The following IQCH variants were observed in gnomAD, a reference collection of about 807,000 sequenced individuals.
The protein encoded by IQCH is IQ motif containing H.
A neutral mutation model predicts 117.0 loss-of-function variants in IQCH; 98 were observed. That is an observed-to-expected ratio of 0.84 (90% CI 0.71 to 0.99). The LOEUF is 0.99. IQCH is among the 50% of genes least tolerant of loss of function. The pLI is 0.00. For synonymous variants in IQCH, 412 were observed against 448.2 expected (o/e 0.92, Z 1.02); for missense variants, 1,102 against 1,243.8 (o/e 0.89, Z 1.72).
At chr15:67,293,044 T>C (rs537012825) in intron 4 of IQCH, among the ~76,000 whole-genome samples, 19 of 152,348 alleles carry the variant, frequency 1.2e-4, no homozygotes, top group Non-Finnish European at 2.1e-4. Flanking sequence ...ACATCCTGGC[T>C]CTATCACTTA....
At chr15:67,382,975 T>A (rs1970986809) in intron 10 of IQCH, among the ~76,000 whole-genome samples, 1 of 152,202 alleles carries the variant, frequency 6.6e-6, no homozygotes, top group Non-Finnish European at 1.5e-5. Flanking sequence ...ACACATATAC[T>A]TTATGGATGT....
At chr15:67,277,576 C>G (rs1966178888) in intron 3 of IQCH, among the ~76,000 whole-genome samples, 1 of 149,578 alleles carries the variant, frequency 6.7e-6, no homozygotes, top group Non-Finnish European at 1.5e-5. Flanking sequence ...CTCTGTCACC[C>G]AGGCTGGAGT....
At chr15:67,349,492 A>G (rs12594477) in intron 6 of IQCH, among the ~76,000 whole-genome samples, 102,339 of 151,280 alleles carry the variant, frequency 0.68, 35,196 homozygotes, top group Middle Eastern at 0.84. Context: ...GGTGGTGGGT[A>G]CCTATAATCC....
rs1474353596 is a variant in IQCH at position 67,388,971 on chromosome 15, A to G, written c.1597A>G (p.Lys533Glu). Residue 533 changes from lysine to glutamate, a missense_variant, in exon 12 of 21, where the codon AAA (lysine) becomes GAA (glutamate). Lys to Glu is a moderately conservative substitution (Grantham distance 56). This residue lies in a region of IQCH where 650 missense variants were observed against 794.3 expected (regional missense o/e 0.82). Coordinates refer to ENST00000335894, the MANE Select transcript of IQCH (RefSeq NM_001031715.3). The surrounding 1 kb of genome is among the most constrained non-coding windows in gnomAD (Gnocchi z 5.5). ...EDRSDLQDRF[K>E]IITPEAVNIF... Reference sequence around the variant, plus strand: ...CAGAAGTGACCTGCAGGACAGGTTCAAAATTATCACACCTGAAGCTGTAAA... The same window carrying G: ...CAGAAGTGACCTGCAGGACAGGTTCGAAATTATCACACCTGAAGCTGTAAA... 1 of 1,614,026 alleles carries G rather than the reference A, an allele frequency of 6.2e-7. No individual in the cohort carries two copies. Among genetic ancestry groups the G allele is most frequent in the Admixed American group, 1.7e-5 (1 of 60,016 alleles).
At position 67,254,888 on chromosome 15, in the gene IQCH, G is replaced by A. The variant is rs150409242; in HGVS notation, c.-9G>A. On this transcript the variant is annotated 5_prime_UTR_variant, in exon 1 of 21. Transcript: ENST00000335894. Reference sequence around the variant, plus strand: ...GCCTCCGCGGAGGTAGCCGTTCCCTGACCTAGCCATGGCACAGAACACTGA... The same window carrying A: ...GCCTCCGCGGAGGTAGCCGTTCCCTAACCTAGCCATGGCACAGAACACTGA... 1.2e-3 allele frequency: 1,897 copies of A among 1,613,486 alleles called. 20 individuals carry two copies. The African/African-American group carries it at 0.023, about 19-fold the overall frequency.
chr15:67,476,234 C>T lies in IQCH; in HGVS notation c.2799+416C>T, dbSNP rs375663731. 2.0e-5 allele frequency among the ~76,000 whole-genome samples: 3 copies of T among 152,226 alleles called. No individual in the cohort carries two copies. Among genetic ancestry groups the T allele is most frequent in the Admixed American group, 6.5e-5 (1 of 15,288 alleles). ...AGCTAAATGGCTTGAGCCACAGAAGCGTATTTTCTCACTGTCTGGCAGCTG... is the reference window on the plus strand; with the variant it reads ...AGCTAAATGGCTTGAGCCACAGAAGTGTATTTTCTCACTGTCTGGCAGCTG... On this transcript the variant is annotated intron_variant, in intron 18 of 20. Transcript: ENST00000335894. The surrounding 1 kb of genome is among the most constrained non-coding windows in gnomAD (Gnocchi z 4.1).
intron 20 of IQCH, among the ~76,000 whole-genome samples, chr15:67,495,796 T>C (rs998995538): frequency 1.3e-4 from 20 of 152,224 alleles, no homozygotes; most frequent in Non-Finnish European, 2.5e-4. Context: ...TATGTCATGG[T>C]TTCTAGCCTT....
chr15:67,297,425 G>T (rs554057723), intron 4 of IQCH, among the ~76,000 whole-genome samples: 2 of 151,942 alleles, frequency 1.3e-5, no homozygotes, highest in Admixed American at 6.6e-5. Context: ...TCACTTTATC[G>T]TATATTATTT....
chr15:67,329,065 G>C (rs188284821), intron 4 of IQCH, among the ~76,000 whole-genome samples: 2 of 152,156 alleles, frequency 1.3e-5, no homozygotes, highest in African/African-American at 4.8e-5. Flanking sequence ...TTGGAAGGCT[G>C]AGATGGGAGG....
chr15:67,304,505 G>A, intron 4 of IQCH: 1 of 918,044 alleles, frequency 1.1e-6, no homozygotes, highest in South Asian at 1.6e-5. Context: ...AGAAATAAAA[G>A]TCATTTATTA....
intron 5 of IQCH, among the ~76,000 whole-genome samples, chr15:67,338,191 C>T (rs1007702422): frequency 1.3e-5 from 2 of 150,132 alleles, no homozygotes; most frequent in African/African-American, 4.9e-5. Context: ...ATGAATGAAT[C>T]GATATATCTG....
rs1189601798 is a variant in IQCH at position 67,393,340 on chromosome 15, G to A, written c.1633-1951G>A. On this transcript the variant is annotated intron_variant, in intron 12 of 20. Coordinates refer to ENST00000335894, the MANE Select transcript of IQCH (RefSeq NM_001031715.3). The surrounding 1 kb of genome is among the most constrained non-coding windows in gnomAD (Gnocchi z 5.5). ...ACTCTCCGACAATTTGCAAACTGGT[G>A]CATCTGATATTCCTTGAAACAATCA... 2.0e-5 allele frequency among the ~76,000 whole-genome samples: 3 copies of A among 152,082 alleles called. No homozygotes were observed. The highest frequency in any genetic ancestry group is 7.2e-5 in the African/African-American group (3 of 41,418).
At chr15:67,442,044 AC>A (rs1166993125) in intron 16 of IQCH, among the ~76,000 whole-genome samples, 6 of 152,326 alleles carry the variant, frequency 3.9e-5, no homozygotes, top group South Asian at 2.1e-4. Context: ...TAAGAAAAAA[AC>A]AATCCCATCA....
chr15:67,275,712 T>C (rs1798205041), intron 3 of IQCH, among the ~76,000 whole-genome samples: 1 of 152,082 alleles, frequency 6.6e-6, no homozygotes, highest in South Asian at 2.1e-4. Context: ...ACCCTGTCTC[T>C]ACAAAAAAAA....
rs1483478284 is a variant in IQCH at position 67,405,977 on chromosome 15, A to G, written c.2097+5672A>G. 3.9e-5 allele frequency: 6 copies of G among 152,156 alleles called. No homozygotes were observed. The highest frequency in any genetic ancestry group is 8.8e-5 in the Non-Finnish European group (6 of 68,046). The allele number at this position is 152,156 out of a possible 1,614,324, so 9.4% of individuals were successfully genotyped here. ...ACACACCTCAGAGCTGGAGAGGAGGAGCCCTGCCTAGGAGTTTCTAGGATT... is the reference window on the plus strand; with the variant it reads ...ACACACCTCAGAGCTGGAGAGGAGGGGCCCTGCCTAGGAGTTTCTAGGATT... On this transcript the variant is annotated intron_variant, in intron 14 of 20. Transcript: ENST00000335894. This position sits in a 1 kb window ranked among gnomAD's most constrained non-coding sequence, Gnocchi z 4.8.
chr15:67,260,925 G>A (rs975331907), intron 1 of IQCH, among the ~76,000 whole-genome samples: 14 of 151,962 alleles, frequency 9.2e-5, no homozygotes, highest in African/African-American at 7.2e-5. Context: ...GTGAAAGCCC[G>A]TCTCTACTAA....
chr15:67,500,781 GT>G lies in IQCH; in HGVS notation c.*36del. 2 of 1,199,046 alleles carry G rather than the reference GT, an allele frequency of 1.7e-6. No homozygotes were observed. Among genetic ancestry groups the G allele is most frequent in the Non-Finnish European group, 2.4e-6 (2 of 847,238 alleles). The allele number at this position is 1,199,046 out of a possible 1,614,324, so 74.3% of individuals were successfully genotyped here. On this transcript the variant is annotated 3_prime_UTR_variant, in exon 21 of 21. Transcript: ENST00000335894. This position sits in a 1 kb window ranked among gnomAD's most constrained non-coding sequence, Gnocchi z 4.4. ...ACAGTACATAACAATTTGGATCCCA[GT>G]CTGGAATAAAAAGGGCAATTTTTTT...
In IQCH at chr15:67,493,740, T is replaced by C. The variant is rs902277531; in HGVS notation, c.2862-518T>C. Among the ~76,000 whole-genome samples the C allele has an allele frequency of 1.3e-5, 2 of 152,218 alleles. No individual in the cohort carries two copies. Among genetic ancestry groups the C allele is most frequent in the Non-Finnish European group, 2.9e-5 (2 of 68,042 alleles). ...TTGTTACATATGTATCCATGTGCCA[T>C]GTTAGTGTCCTGCACCCATTAACTC... is the stretch of plus-strand genomic sequence containing the variant. On this transcript the variant is annotated intron_variant, in intron 19 of 20. Transcript: ENST00000335894. The surrounding 1 kb of genome is among the most constrained non-coding windows in gnomAD (Gnocchi z 5.1).
rs928761276 is a variant in IQCH at position 67,424,424 on chromosome 15, A to C, written c.2505+2847A>C. 6.6e-6 allele frequency among the ~76,000 whole-genome samples: 1 copy of C among 152,164 alleles called. No homozygotes were observed. The highest frequency in any genetic ancestry group is 1.5e-5 in the Non-Finnish European group (1 of 68,040). Reference sequence around the variant, plus strand: ...GAGCATTCCTCGTACCACTTATCTCAGTTACAAATTTAAACTTATTTACAT... The same window carrying C: ...GAGCATTCCTCGTACCACTTATCTCCGTTACAAATTTAAACTTATTTACAT... On this transcript the variant is annotated intron_variant, in intron 16 of 20. Transcript: ENST00000335894. The surrounding 1 kb of genome is among the most constrained non-coding windows in gnomAD (Gnocchi z 4.9).
Sources: gnomAD v4.1 joint callset for allele counts (sites outside exome capture counted in the v4.1 genomes callset) on GRCh38, gnomAD v4.1.1 for gene constraint, gnomAD v4.1.1 regional missense constraint, Gnocchi (gnomAD v3.1) non-coding constraint, MANE v1.5 for transcripts, NCBI Gene and HGNC (gene_info 2026-07-23, HGNC 2026-07-21) for gene names.